Variants in SLC7A6 observed in about 807,000 individuals in gnomAD.
SLC7A6 encodes solute carrier family 7 member 6, also known as Y+L amino acid transporter 2.
In SLC7A6, 29 loss-of-function variants were observed where a neutral mutation model predicts 46.6. The ratio of observed to expected loss-of-function variants is 0.62; its 90% CI spans 0.46 to 0.85. The LOEUF (loss-of-function observed/expected upper bound fraction) is 0.85, where lower values mean the gene tolerates loss of function less well. Among genes scored for constraint, SLC7A6 ranks in the 40% least tolerant of loss-of-function variants. SLC7A6 has a pLI of 0.00. For missense variants in SLC7A6, 527 were observed against 647.6 expected (o/e 0.81, Z 2.02); for synonymous variants, 276 against 257.3 (o/e 1.07, Z -0.70).
At chr16:68,294,146 G>A (rs899166056) in intron 7 of SLC7A6, among the ~76,000 whole-genome samples, 3 of 152,174 alleles carry the variant, frequency 2.0e-5, no homozygotes, top group South Asian at 2.1e-4. Context: ...CACCTGCCTC[G>A]GCTTCCGAAA....
At chr16:68,269,821 C>A (rs1459225079) in intron 2 of SLC7A6, among the ~76,000 whole-genome samples, 1 of 152,062 alleles carries the variant, frequency 6.6e-6, no homozygotes, top group Non-Finnish European at 1.5e-5. Flanking sequence ...GGCTGGAGTG[C>A]CCGTAGTGCC....
chr16:68,296,635 GT>G lies in SLC7A6; in HGVS notation c.1283del (p.Phe428SerfsTer13), dbSNP rs1193453329. 3.7e-6 allele frequency: 6 copies of G among 1,614,150 alleles called. No homozygotes were observed. Among genetic ancestry groups the G allele is most frequent in the Non-Finnish European group, 5.1e-6 (6 of 1,180,022 alleles). On this transcript the variant is annotated frameshift_variant, in exon 10 of 11. Transcript: ENST00000219343. LOFTEE classifies it high-confidence loss of function. Reference sequence around the variant, plus strand: ...CACCCCCTCTATTTCAGCTGAGCGTGTTTTTCCCCATCGTGTTCTGCATATG... The same window carrying G: ...CACCCCCTCTATTTCAGCTGAGCGTGTTTTCCCCATCGTGTTCTGCATATG... ...KRPRPLKLSV[F>X]FPIVFCICSV...
intron 3 of SLC7A6, among the ~76,000 whole-genome samples, chr16:68,283,308 C>G (rs1318346625): frequency 2.6e-5 from 4 of 152,196 alleles, no homozygotes; most frequent in Non-Finnish European, 4.4e-5. Flanking sequence ...TTTATTCCTT[C>G]TGTCTTCCTG....
At chr16:68,270,054 C>T (rs1201929681) in intron 2 of SLC7A6, among the ~76,000 whole-genome samples, 1 of 152,128 alleles carries the variant, frequency 6.6e-6, no homozygotes. Context: ...AGGTGTAAGC[C>T]ACTGCGTCCA....
rs563001749 is a variant in SLC7A6 at position 68,267,461 on chromosome 16, C to T, written c.-37+740C>T. Among the ~76,000 whole-genome samples, 7 of 151,922 alleles carry T rather than the reference C, an allele frequency of 4.6e-5. No homozygotes were observed. The East Asian group carries it at 7.8e-4, about 17-fold the overall frequency. ...AACTCCTGACCTCAGGCGATCCACCCGCCTCAGCCTCCCAAAATGCTGGGA... is the reference window on the plus strand; with the variant it reads ...AACTCCTGACCTCAGGCGATCCACCTGCCTCAGCCTCCCAAAATGCTGGGA... On this transcript the variant is annotated intron_variant, in intron 2 of 10. Coordinates refer to ENST00000219343, the MANE Select transcript of SLC7A6 (RefSeq NM_003983.6).
At chr16:68,297,158 TAC>T in intron 10 of SLC7A6, 74 bp from the exon 11 acceptor site, 1 of 1,376,794 alleles carries the variant, frequency 7.3e-7, no homozygotes, top group South Asian at 1.3e-5. Context: ...CCATAGATGT[TAC>T]TAGTCAGCCT....
At position 68,297,579 on chromosome 16, in the gene SLC7A6, C is replaced by T. The variant is rs531266904; in HGVS notation, c.*251C>T. 2 of 431,292 alleles carry T rather than the reference C, an allele frequency of 4.6e-6. No homozygotes were observed. Among genetic ancestry groups the T allele is most frequent in the Admixed American group, 4.0e-5 (1 of 24,696 alleles). The allele number at this position is 431,292 out of a possible 1,614,324, so 26.7% of individuals were successfully genotyped here. ...GGGGGAATGGTCATTTAGTTTTACT[C>T]CTGATAGGTAGATGCAGCTCTTACA... On this transcript the variant is annotated 3_prime_UTR_variant, in exon 11 of 11. Coordinates refer to ENST00000219343, the MANE Select transcript of SLC7A6 (RefSeq NM_003983.6).
In SLC7A6 at chr16:68,290,481, C is replaced by G. The variant is rs2043026774; in HGVS notation, c.735C>G (p.Phe245Leu). ...NLSLALYSALFSYSGWDTLNF... is the reference protein window; with the variant it reads ...NLSLALYSALLSYSGWDTLNF... ...CTCTTGCCCTCTACTCTGCCCTCTT[C>G]TCTTACTCAGGTTGGGACACCCTTA... Residue 245 changes from phenylalanine to leucine, a missense_variant, in exon 5 of 11, where the codon TTC becomes TTG. Coordinates refer to ENST00000219343, the MANE Select transcript of SLC7A6 (RefSeq NM_003983.6). 6.2e-7 allele frequency: 1 copy of G among 1,614,090 alleles called. No homozygotes were observed. Among genetic ancestry groups the G allele is most frequent in the South Asian group, 1.1e-5 (1 of 91,084 alleles).
At chr16:68,267,206 ATT>A (rs1189220005) in intron 2 of SLC7A6, among the ~76,000 whole-genome samples, 3,164 of 87,558 alleles carry the variant, frequency 0.036, 103 homozygotes, top group African/African-American at 0.13. Flanking sequence ...ATTGTGGTGG[ATT>A]TTTTTTTTTT....
chr16:68,272,675 A>C (rs2042641501), intron 2 of SLC7A6, among the ~76,000 whole-genome samples: 1 of 152,196 alleles, frequency 6.6e-6, no homozygotes, highest in African/African-American at 2.4e-5. Context: ...TGATAAAGCC[A>C]TATCAGCGAC....
intron 1 of SLC7A6, among the ~76,000 whole-genome samples, chr16:68,266,246 C>T (rs954365161): frequency 2.6e-5 from 4 of 151,788 alleles, no homozygotes; most frequent in South Asian, 2.1e-4. Flanking sequence ...GGCAACAGAG[C>T]GAGACTCCAT....
At chr16:68,284,629 A>G (rs1037184368) in intron 3 of SLC7A6, 2 of 985,048 alleles carry the variant, frequency 2.0e-6, no homozygotes, top group African/African-American at 3.5e-5. Flanking sequence ...AAGGAGAAGG[A>G]TCAGAAGTGA....
At chr16:68,290,644 C>G in intron 5 of SLC7A6, 104 bp downstream of exon 5, 1 of 1,321,110 alleles carries the variant, frequency 7.6e-7, no homozygotes. Context: ...ACTCTCCTCC[C>G]CTCTTCTCCC....
intron 3 of SLC7A6, chr16:68,284,750 C>T (rs1417900343): frequency 1.9e-6 from 1 of 525,134 alleles, no homozygotes. Flanking sequence ...CAGTCTCTTT[C>T]TCCATGTTTA....
intron 10 of SLC7A6, among the ~76,000 whole-genome samples, 195 bp downstream of exon 10, chr16:68,297,005 T>C (rs932261459): frequency 8.5e-5 from 13 of 152,274 alleles, no homozygotes; most frequent in Middle Eastern, 6.8e-3. Flanking sequence ...GGCTAAAACA[T>C]TACCTCCTGA....
rs1018799287 is a variant in SLC7A6 at position 68,274,858 on chromosome 16, G to T, written c.132G>T (p.Glu44Asp). Residue 44 changes from glutamate to aspartate, a missense_variant, in exon 3 of 11, where the codon GAG becomes GAT. By Grantham distance (45) the Glu-to-Asp change is conservative. Transcript: ENST00000219343. ...CCGAAACTATGCAGCTGAAGAAGGA[G>T]ATCTCCCTGCTGAATGGGGTCAGCC... Reference protein sequence around the residue: ...RSSETMQLKKEISLLNGVSLV... With the variant: ...RSSETMQLKKDISLLNGVSLV... The T allele has an allele frequency of 6.2e-7, 1 of 1,614,234 alleles. No homozygotes were observed. The highest frequency in any genetic ancestry group is 1.6e-4 in the Middle Eastern group (1 of 6,062).
chr16:68,287,481 A>G (rs1182737109), intron 3 of SLC7A6: 1 of 1,368,546 alleles, frequency 7.3e-7, no homozygotes, highest in Non-Finnish European at 9.6e-7. Flanking sequence ...ATTCCCAGAA[A>G]TGGTGCTAGC....
intron 1 of SLC7A6, chr16:68,265,794 C>T (rs117417273): frequency 0.037 from 5,682 of 152,212 alleles, 119 homozygotes; most frequent in Middle Eastern, 0.15. Flanking sequence ...AACCACCAGC[C>T]TGATTTTCTC....
rs1316651270 is a variant in SLC7A6 at position 68,301,362 on chromosome 16, G to GCTGC, written c.*4037_*4040dup. On this transcript the variant is annotated 3_prime_UTR_variant, in exon 11 of 11. Transcript: ENST00000219343. Reference sequence around the variant, plus strand: ...ACTTGCTCCACATCCGCTGTCTGCTGCTGCCTCTTTCCTCCTCACTCAGGC... The same window carrying GCTGC: ...ACTTGCTCCACATCCGCTGTCTGCTGCTGCCTGCCTCTTTCCTCCTCACTCAGGC... 1.2e-6 allele frequency: 2 copies of GCTGC among 1,613,988 alleles called. No individual in the cohort carries two copies. The highest frequency in any genetic ancestry group is 2.7e-5 in the African/African-American group (2 of 74,912).
Sources: allele counts gnomAD v4.1 joint callset (sites outside exome capture counted in the v4.1 genomes callset), GRCh38; gene constraint gnomAD v4.1.1; transcripts MANE v1.5; gene names NCBI Gene and HGNC (gene_info 2026-07-23, HGNC 2026-07-21).